Variants in DCDC2 observed in about 807,000 individuals in gnomAD.
DCDC2 encodes the protein doublecortin domain containing 2.
A neutral mutation model predicts 50.2 loss-of-function variants in DCDC2; 40 were observed. The ratio of observed to expected loss-of-function variants is 0.80; its 90% confidence interval spans 0.62 to 1.04. The LOEUF is 1.04. DCDC2 is among the 50% of genes least tolerant of loss of function. The pLI, the probability that DCDC2 is intolerant of heterozygous loss-of-function variation, is 0.00. For synonymous variants in DCDC2, 234 were observed against 210.6 expected (o/e 1.11, Z -0.96); for missense variants, 570 against 581.9 (o/e 0.98, Z 0.21).
the DCDC2 span, among the ~76,000 whole-genome samples, chr6:24,364,694 C>T: frequency 0.58 from 87,424 of 151,548 alleles, 26,525 homozygotes; most frequent in East Asian, 0.8. Flanking sequence ...ACTTCAAAAA[C>T]TGGAAAATGC....
chr6:24,372,587 T>TA, the DCDC2 span, among the ~76,000 whole-genome samples: 2 of 152,014 alleles, frequency 1.3e-5, no homozygotes, highest in Non-Finnish European at 2.9e-5. Flanking sequence ...TGTGCAGCCA[T>TA]AAAAAATGAT....
chr6:24,198,651 A>G lies in DCDC2; in HGVS notation c.1023+6351T>C, dbSNP rs543087495. ...CCCAGTGGTGCCTGGAATGCCAGTG[A>G]GAATGAACCGTTCACTCCCCTGGAA... On this transcript the variant is annotated intron_variant, in intron 8 of 9. Transcript: ENST00000378454. Among the ~76,000 whole-genome samples, 57 of 152,004 alleles carry G rather than the reference A, an allele frequency of 3.7e-4. 1 individual carries two copies. The highest frequency in any genetic ancestry group is 3.4e-3 in the Middle Eastern group (1 of 294).
At chr6:24,365,081 G>T in the DCDC2 span, among the ~76,000 whole-genome samples, 2 of 150,000 alleles carry the variant, frequency 1.3e-5, no homozygotes, top group African/African-American at 2.4e-5. Flanking sequence ...AATTCAATTA[G>T]TTCTGGTAAT....
upstream of DCDC2, among the ~76,000 whole-genome samples, chr6:24,359,197 T>C (rs1256897206): frequency 1.9e-5 from 1 of 53,496 alleles, no homozygotes; most frequent in Non-Finnish European, 3.0e-5. Context: ...TTTTATATAT[T>C]ATATATATTT....
intron 8 of DCDC2, among the ~76,000 whole-genome samples, chr6:24,199,832 G>A (rs925593337): frequency 1.3e-5 from 2 of 152,172 alleles, no homozygotes; most frequent in African/African-American, 4.8e-5. Flanking sequence ...ACCTGATGGA[G>A]CTGAAAAACA....
intron 8 of DCDC2, among the ~76,000 whole-genome samples, chr6:24,198,509 G>A (rs1053375062): frequency 2.0e-5 from 3 of 152,278 alleles, no homozygotes; most frequent in South Asian, 4.1e-4. Flanking sequence ...TTTGTGACCC[G>A]CAGACCAGGA....
intron 2 of DCDC2, among the ~76,000 whole-genome samples, chr6:24,304,455 C>T (rs1759434635): frequency 6.6e-6 from 1 of 152,092 alleles, no homozygotes; most frequent in Non-Finnish European, 1.5e-5. Flanking sequence ...TGCACTCCAG[C>T]CTGGGCAACA....
the DCDC2 span, among the ~76,000 whole-genome samples, chr6:24,373,659 CAT>C: frequency 6.6e-6 from 1 of 152,138 alleles, no homozygotes; most frequent in East Asian, 1.9e-4. Context: ...AGCGGGAGCA[CAT>C]GGGGTTACTG....
rs892440790 is a variant in DCDC2, at chr6:24,273,657, A to G, written c.922+4392T>C. Among the ~76,000 whole-genome samples, 6 of 152,344 alleles carry G rather than the reference A, an allele frequency of 3.9e-5. No individual in the cohort carries two copies. The East Asian group carries it at 1.2e-3, about 29-fold the overall frequency. On this transcript the variant is annotated intron_variant, in intron 7 of 9. Transcript: ENST00000378454. ...CTCATGTGCTTCCGGTTTTGTCTTC[A>G]GAGTCTCTTGTTACTGGGAACCATG...
At chr6:24,249,649 G>C (rs1246647955) in intron 7 of DCDC2, among the ~76,000 whole-genome samples, 2 of 152,130 alleles carry the variant, frequency 1.3e-5, no homozygotes. Flanking sequence ...AAAACATTAA[G>C]AGATGGGGAG....
chr6:24,225,116 G>A (rs573630955), intron 7 of DCDC2, among the ~76,000 whole-genome samples: 110 of 152,176 alleles, frequency 7.2e-4, no homozygotes, highest in Non-Finnish European at 1.5e-3. Context: ...CTCCAATTTG[G>A]GGGTCCCTCC....
In DCDC2 at chr6:24,175,417, A is replaced by G. The variant is rs143418381; in HGVS notation, c.1327-583T>C. On this transcript the variant is annotated intron_variant, in intron 9 of 9. Coordinates refer to ENST00000378454, the MANE Select transcript of DCDC2 (RefSeq NM_016356.5). The stretch of plus-strand genomic sequence containing the variant: ...TCACCTTTCCCCGACTACACTGAAA[A>G]CTGAGTGGGTGAGATTAGAACCAGC... Among the ~76,000 whole-genome samples the G allele has an allele frequency of 5.9e-3, 896 of 152,220 alleles. 12 individuals are homozygous for G. Among genetic ancestry groups the G allele is most frequent in the African/African-American group, 0.02 (833 of 41,528 alleles).
At chr6:24,355,860 T>C (rs1029515668) in intron 1 of DCDC2, among the ~76,000 whole-genome samples, 1 of 152,204 alleles carries the variant, frequency 6.6e-6, no homozygotes, top group Non-Finnish European at 1.5e-5. Flanking sequence ...AGAATTTTAG[T>C]GATATTTTGA....
chr6:24,304,711 G>A (rs987488403), intron 2 of DCDC2, among the ~76,000 whole-genome samples: 24 of 152,034 alleles, frequency 1.6e-4, no homozygotes, highest in African/African-American at 5.1e-4. Flanking sequence ...TGCGCTGATG[G>A]CCTGCTTTAC....
intron 6 of DCDC2, among the ~76,000 whole-genome samples, chr6:24,279,156 T>C (rs927878390): frequency 5.9e-5 from 9 of 152,138 alleles, no homozygotes; most frequent in East Asian, 1.9e-4. Context: ...AGCCACTACA[T>C]TGGGGGCTAC....
chr6:24,323,405 C>T (rs901831748), intron 2 of DCDC2, among the ~76,000 whole-genome samples: 1 of 152,096 alleles, frequency 6.6e-6, no homozygotes, highest in Non-Finnish European at 1.5e-5. Flanking sequence ...AGTGGGAAAA[C>T]TGACAAAATT....
chr6:24,306,336 C>G (rs1001102136), intron 2 of DCDC2, among the ~76,000 whole-genome samples: 1 of 152,098 alleles, frequency 6.6e-6, no homozygotes, highest in Non-Finnish European at 1.5e-5. Flanking sequence ...GATGACTGAC[C>G]TCTTGCCTTG....
At chr6:24,184,322 T>C (rs1334660792) in intron 8 of DCDC2, among the ~76,000 whole-genome samples, 1 of 152,110 alleles carries the variant, frequency 6.6e-6, no homozygotes, top group Admixed American at 6.5e-5. Context: ...CTTGTAATCC[T>C]AGCACTTTGG....
chr6:24,334,736 A>T lies in DCDC2; in HGVS notation c.348+18833T>A, dbSNP rs200835138. Among the ~76,000 whole-genome samples, 3 of 152,348 alleles carry T rather than the reference A, an allele frequency of 2.0e-5. No individual in the cohort carries two copies. The East Asian group carries it at 5.8e-4, about 29-fold the overall frequency. On this transcript the variant is annotated intron_variant, in intron 2 of 9. Transcript: ENST00000378454. ...GATCCCAAACACACTCCCTTCAACG[A>T]GGCCTTGAGAAACACACTGGTGAAG...
Sources: allele counts gnomAD v4.1 joint callset (sites outside exome capture counted in the v4.1 genomes callset), GRCh38; gene constraint gnomAD v4.1.1; transcripts MANE v1.5; gene names NCBI Gene and HGNC (gene_info 2026-07-23, HGNC 2026-07-21).